The following EP400 variants were observed in gnomAD, a reference collection of about 807,000 sequenced individuals.
The protein encoded by EP400 is E1A binding protein p400, also known as E1A-binding protein p400.
In EP400, 105 loss-of-function variants were observed where a neutral mutation model predicts 354.1. The observed-to-expected ratio is 0.30, with a 90% CI of 0.25 to 0.35. EP400 has a LOEUF of 0.35. Among genes scored for constraint, EP400 ranks in the 10% least tolerant of loss-of-function variants. EP400 has a pLI of 1.00. For synonymous variants in EP400, 1,646 were observed against 1,716.9 expected, an observed-to-expected ratio of 0.96 and a Z score of 1.02; for missense variants, 3,280 against 4,121.0, an observed-to-expected ratio of 0.80 and a Z score of 5.59.
chr12:131,979,568 G>A (rs982865504), intron 2 of EP400, 126 bp from the exon 3 acceptor site: 2 of 704,988 alleles, frequency 2.8e-6, no homozygotes, highest in African/African-American at 3.6e-5. Context: ...TAAAGACACG[G>A]GGTAGATAAC....
In EP400 at chr12:131,982,236, C is replaced by G. The variant is rs751177507; in HGVS notation, c.1687C>G (p.Pro563Ala). The G allele has an allele frequency of 1.9e-6, 3 of 1,614,092 alleles. No individual in the cohort carries two copies. The East Asian group carries it at 6.7e-5, about 36-fold the overall frequency. ...GCCGCAGCTGCCCGGGAGGCTGCCC[C>G]CAGCCGGTGTTCCCACTGCAGCCCT... ...PLPQLPGRLP[P>A]AGVPTAALSS... The change falls in exon 5 of 53, where the codon CCA (proline) becomes GCA (alanine). Residue 563 changes from proline to alanine, a missense_variant. Physicochemically the swap from Pro to Ala is conservative, Grantham distance 27. Around this residue, in one of 20 missense-constraint regions of EP400, gnomAD observed 800 missense variants for 840.0 expected, o/e 0.95. Transcript: ENST00000389561.
chr12:131,991,361 A>T (rs773138226), intron 9 of EP400, 46 bp from the exon 10 acceptor site: 1 of 1,606,948 alleles, frequency 6.2e-7, no homozygotes, highest in Admixed American at 1.7e-5. Flanking sequence ...CGCCCTCGCC[A>T]AGCATGGGGG....
In EP400 at chr12:131,986,612, C is replaced by T. The variant is rs749287900; in HGVS notation, c.2028C>T (p.Ser676=). ...CGTCCCTCGCGCCTGTGAGTGGCTC[C>T]GGCCCAGGACCCTCCCCTGCTCGAT... The part of the protein sequence containing the change: ...STSSLAPVSG[S]GPGPSPARSS... Residue 676 remains serine, a synonymous_variant, in exon 6 of 53, where the codon TCC becomes TCT. Coordinates refer to ENST00000389561, the MANE Select transcript of EP400 (RefSeq NM_015409.5). The T allele has an allele frequency of 2.4e-5, 38 of 1,613,914 alleles. No individual in the cohort carries two copies. The highest frequency in any genetic ancestry group is 9.9e-5 in the South Asian group (9 of 91,092).
At chr12:132,043,769 T>C (rs1235448047) in intron 34 of EP400, 41 bp downstream of exon 34, 2 of 1,534,974 alleles carry the variant, frequency 1.3e-6, no homozygotes, top group South Asian at 1.2e-5. Context: ...AAATTTGCAA[T>C]ATTTTCAGAG....
intron 51 of EP400, chr12:132,076,266 G>T: frequency 1.6e-5 from 9 of 553,454 alleles, no homozygotes; most frequent in Non-Finnish European, 2.7e-5. Flanking sequence ...AAATGTGTCT[G>T]AAATATGAGA....
rs1208035465 is a variant in EP400, at chr12:132,062,456, C to T, written c.8099-10C>T. The T allele has an allele frequency of 1.2e-6, 2 of 1,612,864 alleles. No homozygotes were observed. Among genetic ancestry groups the T allele is most frequent in the Non-Finnish European group, 1.7e-6 (2 of 1,179,924 alleles). On this transcript the variant is annotated splice_polypyrimidine_tract_variant and intron_variant, in intron 46 of 52. Coordinates refer to ENST00000389561, the MANE Select transcript of EP400 (RefSeq NM_015409.5). ...CCCTGTCCAGACCTAATGAGCAAAC[C>T]TCTTCATAGCCACAGGAGTTCAGCT...
chr12:132,033,747 G>T (rs557139567), intron 30 of EP400, among the ~76,000 whole-genome samples: 3 of 151,882 alleles, frequency 2.0e-5, no homozygotes, highest in South Asian at 4.2e-4. Context: ...GCCCAGGCTG[G>T]TCCCAAACTC....
At chr12:132,071,962 G>A (rs1014327050) in intron 51 of EP400, among the ~76,000 whole-genome samples, 1 of 152,194 alleles carries the variant, frequency 6.6e-6, no homozygotes, top group Admixed American at 6.5e-5. Flanking sequence ...TGTTGTAGTG[G>A]GTTATAGTCA....
chr12:132,058,441 G>A (rs994942156), intron 45 of EP400, among the ~76,000 whole-genome samples: 7 of 146,296 alleles, frequency 4.8e-5, no homozygotes, highest in Non-Finnish European at 1.0e-4. Context: ...TGCAACCTCC[G>A]CCTCCTGGGT....
chr12:131,991,266 A>G (rs1308730801), intron 9 of EP400, 141 bp from the exon 10 acceptor site: 1 of 758,064 alleles, frequency 1.3e-6, no homozygotes, highest in Admixed American at 2.1e-5. Flanking sequence ...GCCCTGCGTG[A>G]TGATGATGAG....
Position 132,006,780 on chromosome 12 carries a change from T to G in EP400, c.3207T>G (p.Leu1069=). Residue 1069 remains leucine (L), a synonymous_variant, in exon 15 of 53, where the codon CTT becomes CTG. Transcript: ENST00000389561. ...QKIGLDWLAK[L]YRKNLNGILA... ...TTGGCCTGGACTGGCTGGCCAAACT[T>G]TACAGGAAGAATCTCAATGGCATAT... The G allele has an allele frequency of 6.2e-7, 1 of 1,614,156 alleles. No homozygotes were observed. The highest frequency in any genetic ancestry group is 8.5e-7 in the Non-Finnish European group (1 of 1,180,032).
intron 3 of EP400, among the ~76,000 whole-genome samples, chr12:131,980,108 A>AT (rs1218518145): frequency 9.9e-5 from 15 of 152,100 alleles, no homozygotes; most frequent in Non-Finnish European, 8.8e-5. Context: ...TTTTAAGCTG[A>AT]TTTTTTCAAA....
At chr12:132,040,184 T>C (rs986808491) in intron 32 of EP400, among the ~76,000 whole-genome samples, 4 of 152,070 alleles carry the variant, frequency 2.6e-5, no homozygotes, top group African/African-American at 9.7e-5. Flanking sequence ...CTGGCACCTA[T>C]TGGGATGACT....
chr12:132,003,227 C>G (rs1893477675), intron 12 of EP400, among the ~76,000 whole-genome samples: 1 of 150,028 alleles, frequency 6.7e-6, no homozygotes, highest in Non-Finnish European at 1.5e-5. Context: ...AAAAAACCCC[C>G]CAAACCAAAT....
intron 32 of EP400, among the ~76,000 whole-genome samples, chr12:132,042,702 C>T (rs1894955138): frequency 1.3e-5 from 2 of 152,252 alleles, no homozygotes; most frequent in South Asian, 2.1e-4. Flanking sequence ...CTTTTGCCCA[C>T]ATCTGCTAGT....
At chr12:132,032,706 C>T (rs1179038613) in intron 30 of EP400, among the ~76,000 whole-genome samples, 1 of 151,542 alleles carries the variant, frequency 6.6e-6, no homozygotes, top group Non-Finnish European at 1.5e-5. Flanking sequence ...TCTTGGCTCA[C>T]CGCGACCTCT....
intron 2 of EP400, among the ~76,000 whole-genome samples, chr12:131,965,931 T>A (rs1243091024): frequency 1.3e-5 from 2 of 152,098 alleles, no homozygotes; most frequent in African/African-American, 4.8e-5. Flanking sequence ...AATGTTCACA[T>A]ACAGTTTTTC....
intron 1 of EP400, among the ~76,000 whole-genome samples, chr12:131,959,025 G>A (rs1891793227): frequency 1.3e-5 from 2 of 152,216 alleles, no homozygotes; most frequent in Admixed American, 1.3e-4. Flanking sequence ...CAGCAGGACT[G>A]GAGAAGTCTG....
rs558933942 is a variant in EP400 at position 132,016,165 on chromosome 12, C to T, written c.3924-1370C>T. Among the ~76,000 whole-genome samples, 10 of 152,302 alleles carry T rather than the reference C, an allele frequency of 6.6e-5. No individual in the cohort carries two copies. In the South Asian group the frequency reaches 2.1e-3, roughly 32 times the overall value. ...GCCCTGGCCCTTGTGCATGTAAGTC[C>T]TTCCCTGGCCTCTTTTCCTTCCCAC... On this transcript the variant is annotated intron_variant, in intron 19 of 52. Coordinates refer to ENST00000389561, the MANE Select transcript of EP400 (RefSeq NM_015409.5).
Sources: gnomAD v4.1 joint callset for allele counts (sites outside exome capture counted in the v4.1 genomes callset) on GRCh38, gnomAD v4.1.1 for gene constraint, gnomAD v4.1.1 regional missense constraint, MANE v1.5 for transcripts, NCBI Gene and HGNC (gene_info 2026-07-23, HGNC 2026-07-21) for gene names.